Variants in MBD5 observed in about 807,000 individuals in gnomAD.
MBD5 encodes the protein methyl-CpG-binding domain protein 5.
Under a neutral mutation model 117.3 loss-of-function variants are expected in MBD5, and 13 were observed. The ratio of observed to expected loss-of-function variants is 0.11; its 90% CI spans 0.07 to 0.18. MBD5 has a LOEUF of 0.18. Among genes scored for constraint, MBD5 ranks in the 10% least tolerant of loss-of-function variants. The pLI is 1.00. For synonymous variants in MBD5, 727 were observed against 766.4 expected (o/e 0.95, Z 0.85); for missense variants, 1,879 against 2,093.8 (o/e 0.90, Z 2.00).
At chr2:148,511,855 T>C (rs1454193242) in intron 13 of MBD5, among the ~76,000 whole-genome samples, 1 of 152,226 alleles carries the variant, frequency 6.6e-6, no homozygotes, top group Non-Finnish European at 1.5e-5. Context: ...ATTCTGCATT[T>C]GAGTCTGGAT....
chr2:148,468,159 A>T (rs1256874794), intron 7 of MBD5, among the ~76,000 whole-genome samples, 182 bp from the exon 8 acceptor site: 1 of 152,172 alleles, frequency 6.6e-6, no homozygotes, highest in Non-Finnish European at 1.5e-5. Context: ...AATCAAATTT[A>T]AAATAGTATT....
At chr2:148,048,767 G>A (rs781407987) in intron 1 of MBD5, among the ~76,000 whole-genome samples, 2 of 152,226 alleles carry the variant, frequency 1.3e-5, no homozygotes, top group South Asian at 4.1e-4. Flanking sequence ...GTACTCAGGG[G>A]AAACTCTGTG....
At chr2:148,046,103 C>G (rs13032786) in intron 1 of MBD5, among the ~76,000 whole-genome samples, 41,211 of 151,092 alleles carry the variant, frequency 0.27, 6,153 homozygotes, top group East Asian at 0.46. Context: ...CCTGCCTCAG[C>G]CCCTCGAGTA....
chr2:148,376,563 G>T (rs1447401765), intron 4 of MBD5, among the ~76,000 whole-genome samples: 3 of 149,454 alleles, frequency 2.0e-5, no homozygotes, highest in African/African-American at 4.9e-5. Context: ...CACCGCGCCC[G>T]GCCAAAAATA....
intron 1 of MBD5, among the ~76,000 whole-genome samples, chr2:148,143,480 T>C (rs1697366830): frequency 1.3e-5 from 2 of 148,366 alleles, no homozygotes; most frequent in Admixed American, 6.6e-5. Context: ...ATGAAATCAA[T>C]TTTTTTTAAT....
At chr2:148,368,375 G>C (rs576637573) in intron 4 of MBD5, among the ~76,000 whole-genome samples, 5 of 151,906 alleles carry the variant, frequency 3.3e-5, no homozygotes, top group Admixed American at 2.0e-4. Context: ...ACCTAATGTA[G>C]ATGATGGGTT....
At chr2:148,167,781 A>G (rs972703564) in intron 1 of MBD5, among the ~76,000 whole-genome samples, 1 of 151,920 alleles carries the variant, frequency 6.6e-6, no homozygotes, top group Non-Finnish European at 1.5e-5. Flanking sequence ...CAGGAACATC[A>G]TTTTTTTTTT....
At chr2:148,217,785 A>G (rs1574149273) in intron 2 of MBD5, among the ~76,000 whole-genome samples, 1 of 152,074 alleles carries the variant, frequency 6.6e-6, no homozygotes, top group Non-Finnish European at 1.5e-5. Context: ...ACATCAAGTC[A>G]CCCTTAGTCT....
intron 4 of MBD5, among the ~76,000 whole-genome samples, chr2:148,378,569 T>C (rs1704051537): frequency 6.6e-6 from 1 of 152,108 alleles, no homozygotes; most frequent in Admixed American, 6.5e-5. Flanking sequence ...GCTCATCAGC[T>C]GTGTTTGAGA....
intron 4 of MBD5, among the ~76,000 whole-genome samples, chr2:148,403,072 A>G (rs1704971096): frequency 6.6e-6 from 1 of 152,074 alleles, no homozygotes; most frequent in Non-Finnish European, 1.5e-5. Context: ...TTTATCTCAG[A>G]CACAGTTTTT....
chr2:148,096,647 TAA>T (rs1433228184), intron 1 of MBD5, among the ~76,000 whole-genome samples: 1 of 152,078 alleles, frequency 6.6e-6, no homozygotes, highest in Non-Finnish European at 1.5e-5. Flanking sequence ...GGGAAAAAAA[TAA>T]GAGAGAGAAA....
At position 148,458,395 on chromosome 2, in the gene MBD5, A is replaced by G. The variant is rs1706949505; in HGVS notation, c.-364A>G. ...ACAATAGAGATTGTCTTAGTACAAC[A>G]TCAAGGTTCAAGACAAATGTTGAAC... On this transcript the variant is annotated 5_prime_UTR_variant, in exon 5 of 14. Coordinates refer to ENST00000642680, the MANE Select transcript of MBD5 (RefSeq NM_001378120.1). 1.9e-6 allele frequency: 1 copy of G among 528,994 alleles called. No individual in the cohort carries two copies. The highest frequency in any genetic ancestry group is 3.4e-5 in the Admixed American group (1 of 29,824). 32.8% of individuals were successfully genotyped at this position (528,994 alleles called of 1,614,324 possible).
At chr2:148,247,544 C>G (rs1320952951) in intron 3 of MBD5, among the ~76,000 whole-genome samples, 1 of 152,106 alleles carries the variant, frequency 6.6e-6, no homozygotes. Flanking sequence ...TAACAGCTAC[C>G]TAGGGACATT....
intron 1 of MBD5, among the ~76,000 whole-genome samples, chr2:148,140,807 G>A: frequency 6.6e-6 from 1 of 151,796 alleles, no homozygotes; most frequent in Non-Finnish European, 1.5e-5. Flanking sequence ...TATTGCCCAG[G>A]CTGGAGTGCA....
At chr2:148,085,540 C>A (rs1422690188) in intron 1 of MBD5, among the ~76,000 whole-genome samples, 6 of 151,702 alleles carry the variant, frequency 4.0e-5, no homozygotes, top group African/African-American at 1.5e-4. Flanking sequence ...CCGGCTAAAA[C>A]GGTGAAACCC....
chr2:148,282,553 A>G (rs1701272656), intron 3 of MBD5, among the ~76,000 whole-genome samples: 1 of 151,758 alleles, frequency 6.6e-6, no homozygotes, highest in Non-Finnish European at 1.5e-5. Flanking sequence ...ATATGTATAT[A>G]TATAATGTGT....
chr2:148,491,518 A>G (rs1681527001), intron 11 of MBD5, among the ~76,000 whole-genome samples: 1 of 152,048 alleles, frequency 6.6e-6, no homozygotes, highest in African/African-American at 2.4e-5. Flanking sequence ...AGTGTATTGT[A>G]TAAAGCAATT....
chr2:148,141,974 T>TCAA (rs1697327482), intron 1 of MBD5, among the ~76,000 whole-genome samples: 1 of 151,022 alleles, frequency 6.6e-6, no homozygotes, highest in African/African-American at 2.5e-5. Context: ...AGGCACTGTC[T>TCAA]CAATAATAAT....
intron 1 of MBD5, among the ~76,000 whole-genome samples, chr2:148,175,677 G>A (rs1698368028): frequency 6.6e-6 from 1 of 152,174 alleles, no homozygotes; most frequent in African/African-American, 2.4e-5. Flanking sequence ...ATAGTTAATT[G>A]TAGACTGCTG....
Sources: allele counts gnomAD v4.1 joint callset (sites outside exome capture counted in the v4.1 genomes callset), GRCh38; gene constraint gnomAD v4.1.1; transcripts MANE v1.5; gene names NCBI Gene and HGNC (gene_info 2026-07-23, HGNC 2026-07-21).